AIRE: variants seen among roughly 807,000 people sequenced by gnomAD.
The protein encoded by AIRE is autoimmune polyendocrinopathy candidiasis ectodermal dystrophy protein.
AIRE carries 52 observed loss-of-function variants against 62.1 expected under a neutral mutation model. The observed-to-expected ratio is 0.84, with a 90% CI of 0.67 to 1.06. The LOEUF (loss-of-function observed/expected upper bound fraction) is 1.06. AIRE is among the 50% of genes least tolerant of loss of function. The pLI, the probability that AIRE is intolerant of heterozygous loss-of-function variation, is 0.00. For synonymous variants in AIRE, 342 were observed against 321.6 expected (o/e 1.06, Z -0.68); for missense variants, 774 against 755.8 (o/e 1.02, Z -0.28).
Position 44,288,476 on chromosome 21 carries a change from G to A in AIRE, c.652+18G>A. 2 of 1,549,050 alleles carry A rather than the reference G, an allele frequency of 1.3e-6. No individual in the cohort carries two copies. Among genetic ancestry groups the A allele is most frequent in the Non-Finnish European group, 1.8e-6 (2 of 1,122,340 alleles). On this transcript the variant is annotated intron_variant, in intron 5 of 13. Coordinates refer to ENST00000291582, the MANE Select transcript of AIRE (RefSeq NM_000383.4). ...TGAGTCAGGTAGACGCTGTGGCGGG[G>A]AGATGGGGCTGATGGGGAGACCCAG...
intron 8 of AIRE, 94 bp downstream of exon 8, chr21:44,291,304 C>A: frequency 6.5e-7 from 1 of 1,530,614 alleles, no homozygotes; most frequent in Admixed American, 1.9e-5. Flanking sequence ...CAAGCCTCTC[C>A]CATCCAAGAT....
chr21:44,287,070 G>T lies in AIRE; in HGVS notation c.400G>T (p.Ala134Ser). The change falls in exon 3 of 14, where the codon GCC (alanine) becomes TCC (serine). Residue 134 changes from alanine (A) to serine (S), a missense_variant. Coordinates refer to ENST00000291582, the MANE Select transcript of AIRE (RefSeq NM_000383.4). This position sits in a 1 kb window ranked among gnomAD's most constrained non-coding sequence, Gnocchi z 4.3. Reference sequence around the variant, plus strand: ...ACCCAGACTCCCCACCAAGAGGAAGGCCTCAGAAGAGGCTCGAGCTGCCGC... The same window carrying T: ...ACCCAGACTCCCCACCAAGAGGAAGTCCTCAGAAGAGGCTCGAGCTGCCGC... ...PPPRLPTKRK[A>S]SEEARAAAPA... is the part of the protein sequence containing the mutation. The T allele has an allele frequency of 6.2e-7, 1 of 1,612,756 alleles. No individual in the cohort carries two copies. Among genetic ancestry groups the T allele is most frequent in the Non-Finnish European group, 8.5e-7 (1 of 1,179,962 alleles).
In AIRE at chr21:44,296,386, G is replaced by A. The variant is rs145370269; in HGVS notation, c.1507G>A (p.Asp503Asn). Residue 503 changes from aspartate to asparagine, a missense_variant, in exon 13 of 14, where the codon GAC (aspartate) becomes AAC (asparagine). Physicochemically the swap from Asp to Asn is conservative, Grantham distance 23. Transcript: ENST00000291582. ...ARLAPGPAKD[D>N]TASHEPALHR... ...TCTTCTCTTTACTGGGTTCCAGGAT[G>A]ACACTGCCAGTCACGAGCCCGCTCT... 2,790 of 1,612,330 alleles carry A rather than the reference G, an allele frequency of 1.7e-3. 26 individuals carry two copies. Among genetic ancestry groups the A allele is most frequent in the Non-Finnish European group, 1.0e-3 (1,196 of 1,179,614 alleles).
rs1445602810 is a variant in AIRE, at chr21:44,292,305, G to A, written c.999G>A (p.Gly333=). 2.5e-6 allele frequency: 4 copies of A among 1,572,176 alleles called. No individual in the cohort carries two copies. In the South Asian group the frequency reaches 3.5e-5, roughly 14 times the overall value. Residue 333 remains glycine (G), a synonymous_variant, in exon 9 of 14, where the codon GGG becomes GGA. Transcript: ENST00000291582. ...TGACTGGTGGACACACGAGCAGTGG[G>A]ACCTGGAGGTGCTCCAGCTGCCTGC... ...LSPPLREIPS[G]TWRCSSCLQA...
chr21:44,291,078 T>A lies in AIRE; in HGVS notation c.880-17T>A, dbSNP rs762165526. The A allele has an allele frequency of 7.4e-6, 12 of 1,613,030 alleles. No individual in the cohort carries two copies. The highest frequency in any genetic ancestry group is 1.0e-5 in the Non-Finnish European group (12 of 1,179,826). On this transcript the variant is annotated splice_polypyrimidine_tract_variant and intron_variant, in intron 7 of 13. Coordinates refer to ENST00000291582, the MANE Select transcript of AIRE (RefSeq NM_000383.4). ...CACCCCAGCCCAGTCTGCATGGGCG[T>A]CTCTTGCCTGTGCCAGAAGAATGAG...
chr21:44,292,869 C>CCACCATGCCAGCCCTCCGCCCT, intron 9 of AIRE, 124 bp from the exon 10 acceptor site: 1 of 811,184 alleles, frequency 1.2e-6, no homozygotes, highest in Non-Finnish European at 2.1e-6. Context: ...CCCTCCGCCC[C>CCACCATGCCAGCCCTCCGCCCT]CACCATGCCA....
Position 44,291,182 on chromosome 21 carries a change from C to T in AIRE, c.967C>T (p.Leu323=). 1 of 1,602,510 alleles carries T rather than the reference C, an allele frequency of 6.2e-7. No homozygotes were observed. The highest frequency in any genetic ancestry group is 8.5e-7 in the Non-Finnish European group (1 of 1,176,650). ...CCCTCGGGCCTTCCACCTGGCCTGC[C>T]TGTCCCCTCCGCTCCGGGAGATCCC... The part of the protein sequence containing the change: ...GCPRAFHLAC[L]SPPLREIPSG... Residue 323 remains leucine (L), a synonymous_variant, in exon 8 of 14, where the codon CTG becomes TTG. Transcript: ENST00000291582.
At position 44,298,559 on chromosome 21, in the gene AIRE, C is replaced by A. The variant is rs1456381631; in HGVS notation, c.*832C>A. The A allele has an allele frequency of 6.6e-6, 1 of 152,328 alleles. No homozygotes were observed. The highest frequency in any genetic ancestry group is 1.5e-5 in the Non-Finnish European group (1 of 68,128). 9.4% of individuals were successfully genotyped at this position (152,328 alleles called of 1,614,324 possible). A position where few individuals can be genotyped will look rare whatever the true frequency, so the allele number is the denominator to read the frequency against. ...TCAGCAGACACCTGGGTGCTTCCACCTTTTGGCTGTTGTGAGTAATGCTGC... is the reference window on the plus strand; with the variant it reads ...TCAGCAGACACCTGGGTGCTTCCACATTTTGGCTGTTGTGAGTAATGCTGC... On this transcript the variant is annotated 3_prime_UTR_variant, in exon 14 of 14. Transcript: ENST00000291582.
At chr21:44,289,419 A>T (rs2040513043) in intron 5 of AIRE, 2 of 572,874 alleles carry the variant, frequency 3.5e-6, no homozygotes, top group African/African-American at 3.7e-5. Context: ...GATTTCAAGT[A>T]AGGTCACACT....
At position 44,286,934 on chromosome 21, in the gene AIRE, G is replaced by C. The variant is rs774645330; in HGVS notation, c.308-44G>C. 6.2e-7 allele frequency: 1 copy of C among 1,612,282 alleles called. No homozygotes were observed. The highest frequency in any genetic ancestry group is 1.1e-5 in the South Asian group (1 of 91,084). On this transcript the variant is annotated intron_variant, in intron 2 of 13. Transcript: ENST00000291582. This position sits in a 1 kb window ranked among gnomAD's most constrained non-coding sequence, Gnocchi z 6.0. ...TTCTGGGGCCCACCCTACCCCTGGA[G>C]AAAACCCTGAGGTTGGGACCCTGCT...
At chr21:44,296,109 G>A (rs1407474365) in intron 12 of AIRE, among the ~76,000 whole-genome samples, 1 of 152,176 alleles carries the variant, frequency 6.6e-6, no homozygotes, top group East Asian at 1.9e-4. Flanking sequence ...CTCCTTGCTG[G>A]TTCCCTGAGC....
In AIRE at chr21:44,293,927, G is replaced by A. The variant is rs772820639; in HGVS notation, c.1400+17G>A. On this transcript the variant is annotated intron_variant, in intron 11 of 13. Transcript: ENST00000291582. Reference sequence around the variant, plus strand: ...CCGGCCCGGGTGAGTGAGCGTGGTCGGCGGGGAGGCCTGAACCCACACCCA... The same window carrying A: ...CCGGCCCGGGTGAGTGAGCGTGGTCAGCGGGGAGGCCTGAACCCACACCCA... 31 of 1,595,560 alleles carry A rather than the reference G, an allele frequency of 1.9e-5. No individual in the cohort carries two copies. The highest frequency in any genetic ancestry group is 9.9e-5 in the South Asian group (9 of 90,892).
chr21:44,286,224 T>G lies in AIRE; in HGVS notation c.132+86T>G. On this transcript the variant is annotated intron_variant, in intron 1 of 13. Transcript: ENST00000291582. This position sits in a 1 kb window ranked among gnomAD's most constrained non-coding sequence, Gnocchi z 6.0. ...GGAAGTTCCAGGAGGACCCCGCCCC[T>G]CCAGATCCCCAAGCCCCTCCAGCCT... is the stretch of plus-strand genomic sequence containing the variant. 1 of 1,116,930 alleles carries G rather than the reference T, an allele frequency of 9.0e-7. No homozygotes were observed. The highest frequency in any genetic ancestry group is 1.1e-6 in the Non-Finnish European group (1 of 870,100). 69.2% of individuals were successfully genotyped at this position (1,116,930 alleles called of 1,614,324 possible). A position where few individuals can be genotyped will look rare whatever the true frequency, so the allele number is the denominator to read the frequency against.
chr21:44,297,531 G>C lies in AIRE; in HGVS notation c.1567-125G>C, dbSNP rs1207555700. On this transcript the variant is annotated intron_variant, in intron 13 of 13. Coordinates refer to ENST00000291582, the MANE Select transcript of AIRE (RefSeq NM_000383.4). This position sits in a 1 kb window ranked among gnomAD's most constrained non-coding sequence, Gnocchi z 4.8. ...ACTGGCCTGTGCCATGGGGCCTCGG[G>C]CCTCAGTTTCCCCACCTTTGACTTA... 3 of 882,872 alleles carry C rather than the reference G, an allele frequency of 3.4e-6. No individual in the cohort carries two copies. The African/African-American group carries it at 5.0e-5, about 15-fold the overall frequency. 54.7% of individuals were successfully genotyped at this position (882,872 alleles called of 1,614,324 possible). A position where few individuals can be genotyped will look rare whatever the true frequency, so the allele number is the denominator to read the frequency against.
intron 12 of AIRE, among the ~76,000 whole-genome samples, chr21:44,295,931 A>G (rs760426): frequency 0.16 from 24,100 of 151,994 alleles, 2,165 homozygotes; most frequent in East Asian, 0.38. Flanking sequence ...ACAGGGTTCA[A>G]TGTAATATGG....
Position 44,286,191 on chromosome 21 carries a change from G to C in AIRE, c.132+53G>C. 1 of 1,486,398 alleles carries C rather than the reference G, an allele frequency of 6.7e-7. No individual in the cohort carries two copies. Among genetic ancestry groups the C allele is most frequent in the Non-Finnish European group, 9.0e-7 (1 of 1,109,174 alleles). The allele number at this position is 1,486,398 out of a possible 1,614,324, so 92.1% of individuals were successfully genotyped here. A position where few individuals can be genotyped will look rare whatever the true frequency, so the allele number is the denominator to read the frequency against. ...CCCCAGGCCCTGTGAGCCAGGGATAGTCCCCGGGGAAGTTCCAGGAGGACC... is the reference window on the plus strand; with the variant it reads ...CCCCAGGCCCTGTGAGCCAGGGATACTCCCCGGGGAAGTTCCAGGAGGACC... On this transcript the variant is annotated intron_variant, in intron 1 of 13. Transcript: ENST00000291582. The surrounding 1 kb of genome is among the most constrained non-coding windows in gnomAD (Gnocchi z 6.0).
At chr21:44,288,188 G>A (rs1210712972) in intron 4 of AIRE, among the ~76,000 whole-genome samples, 157 bp from the exon 5 acceptor site, 1 of 152,188 alleles carries the variant, frequency 6.6e-6, no homozygotes, top group African/African-American at 2.4e-5. Flanking sequence ...ACTTACCTGT[G>A]GGCTGTCTGC....
Position 44,289,720 on chromosome 21 carries a change from C to A in AIRE, c.716C>A (p.Ser239Tyr), listed in dbSNP as rs2146379236. ...TACACTCCCAGCAAGTTCGAAGACT[C>A]CGGCAGTGGGAAGAACAAGGCCCGC... Reference protein sequence around the residue: ...EFYTPSKFEDSGSGKNKARSS... With the variant: ...EFYTPSKFEDYGSGKNKARSS... Residue 239 changes from serine (S) to tyrosine (Y), a missense_variant, in exon 6 of 14, where the codon TCC (serine) becomes TAC (tyrosine). Physicochemically the swap from Ser to Tyr is moderately radical, Grantham distance 144 (BLOSUM62 -2). Around this residue, in one of 3 missense-constraint regions of AIRE, gnomAD observed 385 missense variants for 396.0 expected, o/e 0.97. Coordinates refer to ENST00000291582, the MANE Select transcript of AIRE (RefSeq NM_000383.4). The A allele has an allele frequency of 6.2e-7, 1 of 1,612,802 alleles. No individual in the cohort carries two copies.
At chr21:44,289,336 T>TA in intron 5 of AIRE, 2 of 389,116 alleles carry the variant, frequency 5.1e-6, no homozygotes. Flanking sequence ...GTGTCCTCTT[T>TA]ATAAGGACAC....
Sources: allele counts gnomAD v4.1 joint callset (sites outside exome capture counted in the v4.1 genomes callset), GRCh38; gene constraint gnomAD v4.1.1; regional missense constraint gnomAD v4.1.1; non-coding constraint Gnocchi (gnomAD v3.1); transcripts MANE v1.5; gene names NCBI Gene and HGNC (gene_info 2026-07-23, HGNC 2026-07-21).